The following GNAI1 variants were observed in gnomAD, a reference collection of about 807,000 sequenced individuals.
The protein encoded by GNAI1 is guanine nucleotide-binding protein G(i) subunit alpha-1.
In GNAI1, 11 loss-of-function variants were observed where a neutral mutation model predicts 38.9. That is an observed-to-expected ratio of 0.28 (90% CI 0.18 to 0.47). The LOEUF is 0.47. Ranked by LOEUF, GNAI1 falls within the 20% of genes least tolerant of loss-of-function variation. The pLI, the probability that GNAI1 is intolerant of heterozygous loss-of-function variation, is 0.99. For missense variants in GNAI1, 317 were observed against 436.9 expected (o/e 0.73, Z 2.45); for synonymous variants, 166 against 145.1 (o/e 1.14, Z -1.04).
intron 1 of GNAI1, among the ~76,000 whole-genome samples, chr7:80,175,635 G>A (rs550983733): frequency 4.7e-4 from 68 of 146,204 alleles, no homozygotes; most frequent in African/African-American, 1.7e-3. Context: ...TTTCTAATAT[G>A]TGTGCTCATT....
intron 1 of GNAI1, among the ~76,000 whole-genome samples, chr7:80,146,470 G>T (rs1013214504): frequency 6.6e-6 from 1 of 152,106 alleles, no homozygotes; most frequent in Non-Finnish European, 1.5e-5. Context: ...TTAGGTTTTT[G>T]TGTTTTTTTC....
At chr7:80,182,643 C>T (rs374578037) in intron 1 of GNAI1, among the ~76,000 whole-genome samples, 7 of 152,176 alleles carry the variant, frequency 4.6e-5, no homozygotes, top group African/African-American at 1.4e-4. Context: ...TCTCCCAACC[C>T]AGGAATCCTC....
chr7:80,220,512 T>G lies in GNAI1; in HGVS notation c.*3019T>G, dbSNP rs987621033. Among the ~76,000 whole-genome samples, 1 of 152,170 alleles carries G rather than the reference T, an allele frequency of 6.6e-6. No homozygotes were observed. Among genetic ancestry groups the G allele is most frequent in the South Asian group, 2.1e-4 (1 of 4,830 alleles). ...TAGGCTTAGACCTGACCAATCCGAGTCCTCCAGCATTGGACGAGTGAGCCA... is the reference window on the plus strand; with the variant it reads ...TAGGCTTAGACCTGACCAATCCGAGGCCTCCAGCATTGGACGAGTGAGCCA... On this transcript the variant is annotated 3_prime_UTR_variant, in exon 8 of 8. Transcript: ENST00000649796.
chr7:80,155,304 T>C (rs1009203304), intron 1 of GNAI1, among the ~76,000 whole-genome samples: 13 of 152,338 alleles, frequency 8.5e-5, no homozygotes, highest in Non-Finnish European at 1.2e-4. Context: ...TGAATTGTTT[T>C]TTTCTTACAT....
At chr7:80,197,513 T>C (rs1437203541) in intron 3 of GNAI1, among the ~76,000 whole-genome samples, 1 of 152,018 alleles carries the variant, frequency 6.6e-6, no homozygotes, top group African/African-American at 2.4e-5. Flanking sequence ...AAGAGTACTT[T>C]TCTAAAATAG....
At chr7:80,199,420 T>A in intron 4 of GNAI1, 38 bp downstream of exon 4, 4 of 1,456,034 alleles carry the variant, frequency 2.7e-6, no homozygotes, top group South Asian at 1.3e-5. Flanking sequence ...CTATCATGAA[T>A]AATTACTTGC....
chr7:80,153,648 C>G (rs912421567), intron 1 of GNAI1, among the ~76,000 whole-genome samples: 1 of 152,272 alleles, frequency 6.6e-6, no homozygotes, highest in African/African-American at 2.4e-5. Flanking sequence ...CATTCTGAAG[C>G]ATGGCCCTAA....
intron 1 of GNAI1, among the ~76,000 whole-genome samples, chr7:80,167,269 G>A (rs1431802308): frequency 1.3e-5 from 2 of 152,212 alleles, no homozygotes; most frequent in Non-Finnish European, 2.9e-5. Flanking sequence ...GCAATGCTCA[G>A]CATTATGTGG....
intron 1 of GNAI1, among the ~76,000 whole-genome samples, chr7:80,171,502 G>C (rs1170467675): frequency 6.6e-6 from 1 of 152,164 alleles, no homozygotes; most frequent in African/African-American, 2.4e-5. Flanking sequence ...TGGCCAGAAT[G>C]TATGAAGACA....
At chr7:80,162,185 G>T (rs755132368) in intron 1 of GNAI1, among the ~76,000 whole-genome samples, 1 of 152,094 alleles carries the variant, frequency 6.6e-6, no homozygotes, top group Non-Finnish European at 1.5e-5. Context: ...AAACCAGGAA[G>T]AGGGCCCTCA....
chr7:80,213,551 T>C (rs561255300), intron 7 of GNAI1, among the ~76,000 whole-genome samples: 86 of 152,252 alleles, frequency 5.6e-4, no homozygotes, highest in Middle Eastern at 6.8e-3. Context: ...AAAACATTAG[T>C]TTTAGTTTAA....
At chr7:80,193,499 A>T (rs1788516135) in intron 3 of GNAI1, among the ~76,000 whole-genome samples, 1 of 152,202 alleles carries the variant, frequency 6.6e-6, no homozygotes, top group Non-Finnish European at 1.5e-5. Flanking sequence ...TCGTAGAATG[A>T]GGATAGTCCA....
intron 3 of GNAI1, among the ~76,000 whole-genome samples, chr7:80,193,307 A>C (rs2115648500): frequency 6.6e-6 from 1 of 152,296 alleles, no homozygotes; most frequent in Non-Finnish European, 1.5e-5. Flanking sequence ...GTAAGAATTG[A>C]GTAAGAAGAT....
intron 3 of GNAI1, among the ~76,000 whole-genome samples, chr7:80,191,649 C>T (rs1788482366): frequency 6.6e-6 from 1 of 152,276 alleles, no homozygotes; most frequent in South Asian, 2.1e-4. Context: ...ACCTCGGCCT[C>T]CCAAAGTGCT....
At chr7:80,186,149 C>G (rs1298392851) in intron 1 of GNAI1, among the ~76,000 whole-genome samples, 1 of 151,160 alleles carries the variant, frequency 6.6e-6, no homozygotes, top group Admixed American at 6.6e-5. Flanking sequence ...TCTTCTGCCT[C>G]AGCCTCCCGA....
At chr7:80,179,242 T>C (rs935873089) in intron 1 of GNAI1, among the ~76,000 whole-genome samples, 1 of 152,188 alleles carries the variant, frequency 6.6e-6, no homozygotes, top group African/African-American at 2.4e-5. Flanking sequence ...CTTTTTCTTC[T>C]TAGTGGCTCT....
chr7:80,191,404 A>G (rs1788478100), intron 3 of GNAI1, among the ~76,000 whole-genome samples: 1 of 152,046 alleles, frequency 6.6e-6, no homozygotes, highest in South Asian at 2.1e-4. Context: ...TATTGTTGTT[A>G]TTATTTTGAG....
At chr7:80,182,090 A>G (rs1401069616) in intron 1 of GNAI1, among the ~76,000 whole-genome samples, 1 of 152,018 alleles carries the variant, frequency 6.6e-6, no homozygotes, top group Non-Finnish European at 1.5e-5. Context: ...TGTTTCTATG[A>G]GTCTGACTTT....
chr7:80,164,432 G>A (rs1396939778), intron 1 of GNAI1, among the ~76,000 whole-genome samples: 2 of 150,754 alleles, frequency 1.3e-5, no homozygotes, highest in Non-Finnish European at 3.0e-5. Flanking sequence ...GTGTAATCTC[G>A]GCTCACTGCA....
Sources: gnomAD v4.1 joint callset for allele counts (sites outside exome capture counted in the v4.1 genomes callset) on GRCh38, gnomAD v4.1.1 for gene constraint, MANE v1.5 for transcripts, NCBI Gene and HGNC (gene_info 2026-07-23, HGNC 2026-07-21) for gene names.